Variants in RPS6KA3 observed in about 807,000 individuals in gnomAD.
RPS6KA3 encodes the protein ribosomal protein S6 kinase alpha-3.
Under a neutral mutation model 67.2 loss-of-function variants are expected in RPS6KA3, and 4 were observed. That is an observed-to-expected ratio of 0.06 (90% CI 0.03 to 0.14). RPS6KA3 has a LOEUF of 0.14. RPS6KA3 is among the 10% of genes least tolerant of loss of function. The pLI, the probability that RPS6KA3 is intolerant of heterozygous loss-of-function variation, is 1.00. For missense variants in RPS6KA3, 204 were observed against 559.0 expected, an observed-to-expected ratio of 0.36 and a Z score of 6.40; for synonymous variants, 182 against 183.7, an observed-to-expected ratio of 0.99 and a Z score of 0.07.
intron 2 of RPS6KA3, among the ~76,000 whole-genome samples, chrX:20,228,667 C>G (rs2069183542): frequency 9.0e-6 from 1 of 111,545 alleles, no homozygotes; most frequent in Non-Finnish European, 1.9e-5. Flanking sequence ...TCCACAGTAC[C>G]TGGCGACCCC....
At chrX:20,198,156 T>G (rs1205730643) in intron 4 of RPS6KA3, among the ~76,000 whole-genome samples, 1 of 111,819 alleles carries the variant, frequency 8.9e-6, no homozygotes, top group African/African-American at 3.3e-5. Flanking sequence ...TATTTTACTC[T>G]CTACATTCTT....
chrX:20,155,052 A>G lies in RPS6KA3; in HGVS notation c.*346T>C. On this transcript the variant is annotated 3_prime_UTR_variant, in exon 22 of 22. Coordinates refer to ENST00000379565, the MANE Select transcript of RPS6KA3 (RefSeq NM_004586.3). The stretch of plus-strand genomic sequence containing the variant: ...TCCCTATAACTAACAAAGAATATTT[A>G]AGGGACATGAAATATTTCCTATAAA... The G allele has an allele frequency of 3.8e-6, 1 of 261,017 alleles. No homozygotes were observed. Among genetic ancestry groups the G allele is most frequent in the Non-Finnish European group, 7.1e-6 (1 of 141,808 alleles). 21.5% of individuals were successfully genotyped at this position (261,017 alleles called of 1,213,427 possible).
At chrX:20,247,792 A>G (rs747801568) in intron 1 of RPS6KA3, among the ~76,000 whole-genome samples, 30 of 85,693 alleles carry the variant, frequency 3.5e-4, no homozygotes, top group Non-Finnish European at 4.6e-4. Flanking sequence ...GTCTCAAAAG[A>G]AAAAAAAAAA....
chrX:20,164,819 A>C (rs750749053), intron 18 of RPS6KA3, 80 bp downstream of exon 18: 32 of 740,336 alleles, frequency 4.3e-5, no homozygotes, highest in Non-Finnish European at 6.1e-5. Context: ...CAATTAAATT[A>C]TTATTAATAA....
chrX:20,193,429 T>C (rs1420788059), intron 7 of RPS6KA3, 58 bp downstream of exon 7: 2 of 722,912 alleles, frequency 2.8e-6, no homozygotes, highest in African/African-American at 2.1e-5. Context: ...CTTGATTTTT[T>C]ATAATCTCCT....
chrX:20,168,515 G>A (rs1374828755), intron 16 of RPS6KA3, among the ~76,000 whole-genome samples: 3 of 111,759 alleles, frequency 2.7e-5, no homozygotes, highest in African/African-American at 9.8e-5. Flanking sequence ...TTAAGCGGCT[G>A]GGGACTTTAG....
chrX:20,183,480 G>A (rs186238145), intron 10 of RPS6KA3, among the ~76,000 whole-genome samples: 22 of 111,075 alleles, frequency 2.0e-4, no homozygotes, highest in Admixed American at 1.9e-3. Flanking sequence ...TTTTTTATAC[G>A]AATATTTAAC....
At chrX:20,246,122 G>GAA (rs5901672) in intron 1 of RPS6KA3, among the ~76,000 whole-genome samples, 18 of 52,846 alleles carry the variant, frequency 3.4e-4, no homozygotes, top group East Asian at 9.3e-4. Flanking sequence ...TCTCGGAAAA[G>GAA]AAAAAAAAAA....
At chrX:20,183,729 C>G (rs2067902727) in intron 10 of RPS6KA3, among the ~76,000 whole-genome samples, 2 of 111,965 alleles carry the variant, frequency 1.8e-5, no homozygotes, top group South Asian at 3.7e-4. Context: ...TTTAGCTACT[C>G]TTTGTCCTTT....
chrX:20,244,499 AC>A (rs1342225456), intron 1 of RPS6KA3, among the ~76,000 whole-genome samples: 1 of 112,715 alleles, frequency 8.9e-6, no homozygotes, highest in African/African-American at 3.2e-5. Flanking sequence ...TACCTGTGTT[AC>A]ACATATTCTC....
chrX:20,178,636 CT>C (rs757383642), intron 10 of RPS6KA3, among the ~76,000 whole-genome samples: 255 of 39,426 alleles, frequency 6.5e-3, no homozygotes, highest in African/African-American at 0.015. Context: ...CCACACCTGG[CT>C]TTTTTTTTTT....
intron 16 of RPS6KA3, among the ~76,000 whole-genome samples, chrX:20,168,910 T>C (rs1603420552): frequency 8.9e-6 from 1 of 112,138 alleles, no homozygotes; most frequent in South Asian, 3.7e-4. Flanking sequence ...TGGAGTGCAG[T>C]GGTGCGATAA....
At chrX:20,257,869 C>T (rs2070116324) in intron 1 of RPS6KA3, among the ~76,000 whole-genome samples, 1 of 111,647 alleles carries the variant, frequency 9.0e-6, no homozygotes, top group Non-Finnish European at 1.9e-5. Context: ...AGTGTTATCA[C>T]TTGAATGAGA....
intron 2 of RPS6KA3, among the ~76,000 whole-genome samples, chrX:20,210,854 T>G (rs1323859648): frequency 9.0e-6 from 1 of 111,314 alleles, no homozygotes; most frequent in East Asian, 2.8e-4. Flanking sequence ...AGCTGACTCT[T>G]AAAACGCTAC....
At chrX:20,251,380 A>C (rs993526323) in intron 1 of RPS6KA3, among the ~76,000 whole-genome samples, 2 of 112,815 alleles carry the variant, frequency 1.8e-5, no homozygotes, top group African/African-American at 6.4e-5. Context: ...GGGCTCAAGC[A>C]ATCCTCTTGC....
At chrX:20,218,464 T>C (rs1000418448) in intron 2 of RPS6KA3, among the ~76,000 whole-genome samples, 4 of 111,552 alleles carry the variant, frequency 3.6e-5, no homozygotes, top group African/African-American at 1.3e-4. Context: ...GCAATTCTGT[T>C]TATGCCTGGT....
At chrX:20,163,570 GC>G (rs2067358072) in intron 18 of RPS6KA3, among the ~76,000 whole-genome samples, 1 of 111,458 alleles carries the variant, frequency 9.0e-6, no homozygotes, top group African/African-American at 3.3e-5. Context: ...GGGTATGGTG[GC>G]TCACGCCTGC....
intron 3 of RPS6KA3, among the ~76,000 whole-genome samples, chrX:20,208,476 G>C (rs2068627785): frequency 9.0e-6 from 1 of 111,604 alleles, no homozygotes. Context: ...AGCATTTTGG[G>C]AGGCCGAGGC....
intron 3 of RPS6KA3, among the ~76,000 whole-genome samples, chrX:20,208,545 C>T (rs1258965643): frequency 1.8e-5 from 2 of 109,883 alleles, no homozygotes; most frequent in Non-Finnish European, 3.8e-5. Flanking sequence ...GGCGAAACCC[C>T]ATCTCTACAA....
Sources: gnomAD v4.1 joint callset for allele counts (sites outside exome capture counted in the v4.1 genomes callset) on GRCh38, gnomAD v4.1.1 for gene constraint, MANE v1.5 for transcripts, NCBI Gene and HGNC (gene_info 2026-07-23, HGNC 2026-07-21) for gene names.